Variants in ZNF106 observed in about 807,000 individuals in gnomAD.
ZNF106 encodes zinc finger protein 106.
Under a neutral mutation model 195.1 loss-of-function variants are expected in ZNF106, and 67 were observed. The ratio of observed to expected loss-of-function variants is 0.34; its 90% confidence interval spans 0.28 to 0.42. The LOEUF (loss-of-function observed/expected upper bound fraction) is 0.42. Ranked by LOEUF, ZNF106 falls within the 10% of genes least tolerant of loss-of-function variation. ZNF106 has a pLI of 1.00. For missense variants in ZNF106, 2,118 were observed against 2,304.5 expected, an observed-to-expected ratio of 0.92 and a Z score of 1.66; for synonymous variants, 784 against 818.6, an observed-to-expected ratio of 0.96 and a Z score of 0.72.
chr15:42,420,717 A>AT (rs563004051), intron 20 of ZNF106, among the ~76,000 whole-genome samples: 1 of 152,098 alleles, frequency 6.6e-6, no homozygotes. Context: ...AAGACCTTAA[A>AT]TTTTTTTTAT....
At chr15:42,422,380 A>C in intron 18 of ZNF106, 121 bp downstream of exon 18, 5 of 1,300,840 alleles carry the variant, frequency 3.8e-6, no homozygotes, top group Non-Finnish European at 5.2e-6. Context: ...ATTATCTAGA[A>C]TGCTTGTGAA....
chr15:42,448,991 A>G (rs2055879560), intron 5 of ZNF106, among the ~76,000 whole-genome samples: 2 of 152,098 alleles, frequency 1.3e-5, no homozygotes, highest in Admixed American at 1.3e-4. Context: ...CATACAGCAT[A>G]TAATTTTTAA....
At chr15:42,445,853 G>C (rs2055751238) in intron 7 of ZNF106, among the ~76,000 whole-genome samples, 1 of 152,216 alleles carries the variant, frequency 6.6e-6, no homozygotes, top group Non-Finnish European at 1.5e-5. Flanking sequence ...TCAAGGAAAA[G>C]CAAGAATCAC....
intron 2 of ZNF106, among the ~76,000 whole-genome samples, chr15:42,468,584 A>T (rs1452753977): frequency 6.6e-6 from 1 of 151,134 alleles, no homozygotes; most frequent in Non-Finnish European, 1.5e-5. Flanking sequence ...CTCTACTAAA[A>T]GTACAAAAAT....
chr15:42,448,392 G>A lies in ZNF106; in HGVS notation c.2815C>T (p.Pro939Ser), dbSNP rs771231026. 5 of 1,614,154 alleles carry A rather than the reference G, an allele frequency of 3.1e-6. No homozygotes were observed. The South Asian group carries it at 3.3e-5, about 11-fold the overall frequency. Reference sequence around the variant, plus strand: ...CCTGTTCGGAGGGAGGCAGCCCGAGGTGTCACTTCTTGTTTGAGGTGCATG... The same window carrying A: ...CCTGTTCGGAGGGAGGCAGCCCGAGATGTCACTTCTTGTTTGAGGTGCATG... ...ATMHLKQEVT[P>S]RAASLRTGER... The change falls in exon 6 of 22, where the codon CCT (proline) becomes TCT (serine). Residue 939 changes from proline to serine, a missense_variant. Physicochemically the swap from Pro to Ser is moderately conservative, Grantham distance 74 (BLOSUM62 -1). Coordinates refer to ENST00000564754, the MANE Select transcript of ZNF106 (RefSeq NM_001366845.3).
chr15:42,457,013 C>T lies in ZNF106; in HGVS notation c.262G>A (p.Asp88Asn). 2 of 1,610,242 alleles carry T rather than the reference C, an allele frequency of 1.2e-6. No individual in the cohort carries two copies. Among genetic ancestry groups the T allele is most frequent in the Non-Finnish European group, 8.5e-7 (1 of 1,177,810 alleles). The change falls in exon 4 of 22, where the codon GAT (aspartate) becomes AAT (asparagine). Residue 88 changes from aspartate (D) to asparagine (N), a missense_variant. Coordinates refer to ENST00000564754, the MANE Select transcript of ZNF106 (RefSeq NM_001366845.3). ...DDGKGEEEEE[D>N]YFDKELIQLI... ...TGAATGAGTTCCTTGTCAAAATAATCTTCTTCCTCTTCCTCTCCTTTTCCA... is the reference window on the plus strand; with the variant it reads ...TGAATGAGTTCCTTGTCAAAATAATTTTCTTCCTCTTCCTCTCCTTTTCCA...
At chr15:42,444,365 T>A in intron 8 of ZNF106, 103 bp from the exon 9 acceptor site, 1 of 859,774 alleles carries the variant, frequency 1.2e-6, no homozygotes, top group Non-Finnish European at 1.8e-6. Flanking sequence ...CAGAGTGTCT[T>A]GACTGCTCTG....
chr15:42,489,687 T>A (rs2057098613), intron 1 of ZNF106, among the ~76,000 whole-genome samples: 1 of 152,176 alleles, frequency 6.6e-6, no homozygotes, highest in Admixed American at 6.5e-5. Flanking sequence ...TTAAAGCAAA[T>A]TTTAAGATTT....
chr15:42,434,596 T>C (rs922305133), intron 14 of ZNF106, among the ~76,000 whole-genome samples: 3 of 152,198 alleles, frequency 2.0e-5, no homozygotes, highest in Admixed American at 6.5e-5. Flanking sequence ...AACTTAATGA[T>C]AGTCATAAAT....
Position 42,413,468 on chromosome 15 carries a change from G to C in ZNF106, c.*3836C>G, listed in dbSNP as rs898255128. 6.6e-6 allele frequency: 1 copy of C among 152,506 alleles called. No individual in the cohort carries two copies. Among genetic ancestry groups the C allele is most frequent in the Non-Finnish European group, 1.5e-5 (1 of 68,014 alleles). 9.4% of individuals were successfully genotyped at this position (152,506 alleles called of 1,614,324 possible). On this transcript the variant is annotated 3_prime_UTR_variant, in exon 22 of 22. Coordinates refer to ENST00000564754, the MANE Select transcript of ZNF106 (RefSeq NM_001366845.3). ...ATGTAAGCATAAACTGCAGTTATTT[G>C]AGCAAACCAGAGCATATGTGCTGTT...
chr15:42,429,333 G>A lies in ZNF106; in HGVS notation c.4882-1199C>T, dbSNP rs564968939. Among the ~76,000 whole-genome samples the A allele has an allele frequency of 2.0e-4, 31 of 151,644 alleles. 1 individual carries two copies. The highest frequency in any genetic ancestry group is 7.5e-4 in the African/African-American group (31 of 41,186). ...GCGTGCTTGTAGTCCCAGCTACTTG[G>A]GAGGCTGAGGCAGGAGAACTGCTTG... On this transcript the variant is annotated intron_variant, in intron 14 of 21. Coordinates refer to ENST00000564754, the MANE Select transcript of ZNF106 (RefSeq NM_001366845.3).
chr15:42,429,953 T>C (rs1472185592), intron 14 of ZNF106, among the ~76,000 whole-genome samples: 10 of 152,026 alleles, frequency 6.6e-5, no homozygotes. Context: ...GGAGTCAAAA[T>C]AGTGATTAGC....
At chr15:42,473,459 G>A (rs904781504) in intron 1 of ZNF106, among the ~76,000 whole-genome samples, 1 of 152,036 alleles carries the variant, frequency 6.6e-6, no homozygotes, top group African/African-American at 2.4e-5. Flanking sequence ...GCTATTCTTT[G>A]TTCACATCAC....
chr15:42,457,484 G>T, intron 3 of ZNF106: 1 of 1,188,902 alleles, frequency 8.4e-7, no homozygotes, highest in Admixed American at 4.4e-5. Context: ...AGGGGGCTCA[G>T]AGCAAGCAGA....
chr15:42,462,243 A>C (rs1174757831), intron 3 of ZNF106, among the ~76,000 whole-genome samples: 3 of 152,170 alleles, frequency 2.0e-5, no homozygotes, highest in Non-Finnish European at 4.4e-5. Context: ...TACAGAACAA[A>C]ACATAAATGA....
At chr15:42,446,513 G>T in intron 7 of ZNF106, 76 bp downstream of exon 7, 1 of 1,160,008 alleles carries the variant, frequency 8.6e-7, no homozygotes, top group Non-Finnish European at 1.3e-6. Flanking sequence ...AGAGTTGGAG[G>T]TTACCAAAAA....
chr15:42,464,339 C>CA (rs113858923), intron 3 of ZNF106, among the ~76,000 whole-genome samples: 29,187 of 115,450 alleles, frequency 0.25, 2,984 homozygotes, highest in South Asian at 0.31. Flanking sequence ...GACTCCGTCT[C>CA]AAAAAAAAAA....
rs577982221 is a variant in ZNF106, at chr15:42,417,047, A to G, written c.*257T>C. 2 of 413,656 alleles carry G rather than the reference A, an allele frequency of 4.8e-6. No individual in the cohort carries two copies. The allele number at this position is 413,656 out of a possible 1,614,324, so 25.6% of individuals were successfully genotyped here. On this transcript the variant is annotated 3_prime_UTR_variant, in exon 22 of 22. Transcript: ENST00000564754. ...CATCTGGAGAACGCAAATAGCATAT[A>G]TCACTATATGCCATGCTGTCCCAGA...
At chr15:42,482,414 T>C (rs2056917731) in intron 1 of ZNF106, among the ~76,000 whole-genome samples, 1 of 152,126 alleles carries the variant, frequency 6.6e-6, no homozygotes, top group South Asian at 2.1e-4. Flanking sequence ...GTCCTTTATA[T>C]TCCTCCAAAG....
Sources: gnomAD v4.1 joint callset for allele counts (sites outside exome capture counted in the v4.1 genomes callset) on GRCh38, gnomAD v4.1.1 for gene constraint, MANE v1.5 for transcripts, NCBI Gene and HGNC (gene_info 2026-07-23, HGNC 2026-07-21) for gene names.